Variants in CCDC171 observed in about 807,000 individuals in gnomAD.
CCDC171 encodes the protein coiled-coil domain-containing protein 171.
A neutral mutation model predicts 168.2 loss-of-function variants in CCDC171; 177 were observed. The ratio of observed to expected loss-of-function variants is 1.05; its 90% CI spans 0.93 to 1.19. The LOEUF is 1.19. CCDC171 is among the 50% of genes most tolerant of loss of function. The pLI is 0.00. For missense variants in CCDC171, 1,991 were observed against 1,539.0 expected, an observed-to-expected ratio of 1.29 and a Z score of -4.91; for synonymous variants, 687 against 540.8, an observed-to-expected ratio of 1.27 and a Z score of -3.75.
In CCDC171 at chr9:15,808,945, A is replaced by T. The variant is rs1203678566; in HGVS notation, c.3267+24251A>T. Among the ~76,000 whole-genome samples the T allele has an allele frequency of 3.9e-5, 6 of 152,248 alleles. No homozygotes were observed. The East Asian group carries it at 5.8e-4, about 15-fold the overall frequency. On this transcript the variant is annotated intron_variant, in intron 21 of 25. Transcript: ENST00000380701. Reference sequence around the variant, plus strand: ...CTGGTGAGGGCTTGCTTCCTCATAGATGGCACCTTCTTGCTGTGTCTTCAC... The same window carrying T: ...CTGGTGAGGGCTTGCTTCCTCATAGTTGGCACCTTCTTGCTGTGTCTTCAC...
At chr9:16,046,099 A>G (rs942281097) in intron 1 of CCDC171, among the ~76,000 whole-genome samples, 8 of 152,212 alleles carry the variant, frequency 5.3e-5, no homozygotes, top group African/African-American at 1.9e-4. Context: ...GGCAAAGTCC[A>G]GATTTGAATT....
chr9:16,022,636 G>C (rs181507633), intron 5 of CCDC171: 10 of 152,332 alleles, frequency 6.6e-5, no homozygotes, highest in Admixed American at 3.9e-4. Flanking sequence ...TTCCCTCTAA[G>C]TGGGCACACC....
intron 24 of CCDC171, among the ~76,000 whole-genome samples, chr9:15,904,863 G>C (rs1822293087): frequency 6.6e-6 from 1 of 151,548 alleles, no homozygotes; most frequent in African/African-American, 2.4e-5. Flanking sequence ...AAAGGCAGGG[G>C]TTGCAATCCT....
chr9:15,941,843 C>T (rs1250686572), intron 25 of CCDC171, among the ~76,000 whole-genome samples: 1 of 151,778 alleles, frequency 6.6e-6, no homozygotes, highest in Non-Finnish European at 1.5e-5. Flanking sequence ...AAAAGGGTTA[C>T]CTATCTATTG....
At chr9:15,777,901 T>A in intron 19 of CCDC171, 75 bp downstream of exon 19, 1 of 975,980 alleles carries the variant, frequency 1.0e-6, no homozygotes, top group Non-Finnish European at 1.5e-6. Flanking sequence ...ATTTGTAGTT[T>A]AAATTATTAG....
intron 21 of CCDC171, among the ~76,000 whole-genome samples, chr9:15,838,596 G>A (rs1397384231): frequency 6.6e-6 from 1 of 152,166 alleles, no homozygotes; most frequent in African/African-American, 2.4e-5. Flanking sequence ...AGAAGGATGG[G>A]AGTTGGGAGT....
intron 18 of CCDC171, among the ~76,000 whole-genome samples, chr9:15,762,073 A>T (rs1378073227): frequency 6.6e-6 from 1 of 152,012 alleles, no homozygotes; most frequent in African/African-American, 2.4e-5. Flanking sequence ...CAAAATCAAA[A>T]TAATTTTAGG....
chr9:16,091,316 A>G, the CCDC171 span, among the ~76,000 whole-genome samples: 2 of 152,214 alleles, frequency 1.3e-5, no homozygotes, highest in Non-Finnish European at 2.9e-5. Context: ...CCAATGGAAA[A>G]GAAATGAGAT....
chr9:16,076,152 C>G, the CCDC171 span, among the ~76,000 whole-genome samples: 1 of 152,136 alleles, frequency 6.6e-6, no homozygotes, highest in African/African-American at 2.4e-5. Context: ...AGTTCTTTAC[C>G]CAGCAGGGCT....
chr9:15,702,368 A>G (rs1588048710), intron 11 of CCDC171, among the ~76,000 whole-genome samples: 1 of 152,030 alleles, frequency 6.6e-6, no homozygotes, highest in African/African-American at 2.4e-5. Flanking sequence ...GTTGAAGCCA[A>G]TGCTCATTTA....
At chr9:15,829,177 G>C (rs866893096) in intron 21 of CCDC171, among the ~76,000 whole-genome samples, 11 of 152,122 alleles carry the variant, frequency 7.2e-5, no homozygotes, top group Admixed American at 3.3e-4. Flanking sequence ...TTAGTAATTT[G>C]ACCGTTTCCT....
intron 23 of CCDC171, among the ~76,000 whole-genome samples, chr9:15,869,845 A>G (rs949202039): frequency 2.6e-5 from 4 of 151,934 alleles, no homozygotes; most frequent in Admixed American, 2.6e-4. Flanking sequence ...TGTATTGGCG[A>G]TATAAACTTG....
rs78495276 is a variant in CCDC171 at position 15,837,449 on chromosome 9, C to G, written c.3268-9253C>G. 4.1e-3 allele frequency among the ~76,000 whole-genome samples: 618 copies of G among 152,122 alleles called. 2 individuals are homozygous for G. The highest frequency in any genetic ancestry group is 6.2e-3 in the Admixed American group (95 of 15,286). On this transcript the variant is annotated intron_variant, in intron 21 of 25. Coordinates refer to ENST00000380701, the MANE Select transcript of CCDC171 (RefSeq NM_173550.4). The stretch of plus-strand genomic sequence containing the variant: ...TTCATGTACATATATACACATACAC[C>G]CTTATACAGGAAAATTCCATTTGAA...
intron 3 of CCDC171, among the ~76,000 whole-genome samples, chr9:16,005,821 A>C (rs1187174934): frequency 6.6e-6 from 1 of 152,160 alleles, no homozygotes; most frequent in Non-Finnish European, 1.5e-5. Context: ...CTAATCCCCC[A>C]TGGATATCAA....
intron 6 of CCDC171, among the ~76,000 whole-genome samples, chr9:15,614,315 G>A (rs1434333996): frequency 3.3e-5 from 5 of 152,160 alleles, no homozygotes; most frequent in Non-Finnish European, 4.4e-5. Context: ...CACAGTGCTG[G>A]CTAGGCTGCT....
Position 15,831,941 on chromosome 9 carries a change from G to T in CCDC171, c.3268-14761G>T, listed in dbSNP as rs552188975. On this transcript the variant is annotated intron_variant, in intron 21 of 25. Coordinates refer to ENST00000380701, the MANE Select transcript of CCDC171 (RefSeq NM_173550.4). Reference sequence around the variant, plus strand: ...TATTAAAGTCCCTTATAGTTAGAGGGTGTTTGAGTATTTTGGTTTTGATTT... The same window carrying T: ...TATTAAAGTCCCTTATAGTTAGAGGTTGTTTGAGTATTTTGGTTTTGATTT... Among the ~76,000 whole-genome samples, 14 of 152,136 alleles carry T rather than the reference G, an allele frequency of 9.2e-5. No individual in the cohort carries two copies. The East Asian group carries it at 2.7e-3, about 29-fold the overall frequency.
Position 15,972,167 on chromosome 9 carries a change from A to T in CCDC171, c.*331A>T. 3.7e-6 allele frequency: 1 copy of T among 267,046 alleles called. No homozygotes were observed. Among genetic ancestry groups the T allele is most frequent in the Non-Finnish European group, 7.1e-6 (1 of 141,518 alleles). The allele number at this position is 267,046 out of a possible 1,614,324, so 16.5% of individuals were successfully genotyped here. A position where few individuals can be genotyped will look rare whatever the true frequency, so the allele number is the denominator to read the frequency against. The stretch of plus-strand genomic sequence containing the variant: ...TCTCTATCTATCAAAGTTGTTTCAT[A>T]CTTGTCTATTTTAAAGCAGGACTGC... On this transcript the variant is annotated 3_prime_UTR_variant, in exon 26 of 26. Transcript: ENST00000380701.
chr9:16,049,547 G>T (rs373814654), intron 1 of CCDC171, among the ~76,000 whole-genome samples: 1 of 152,250 alleles, frequency 6.6e-6, no homozygotes, highest in African/African-American at 2.4e-5. Flanking sequence ...TGCTGCCTTG[G>T]ATATCAGAAC....
chr9:15,693,518 C>T (rs1261843646), intron 10 of CCDC171, among the ~76,000 whole-genome samples: 1 of 150,812 alleles, frequency 6.6e-6, no homozygotes, highest in Non-Finnish European at 1.5e-5. Flanking sequence ...AGCTTAAATT[C>T]TATGAGATGG....
Sources: allele counts gnomAD v4.1 joint callset (sites outside exome capture counted in the v4.1 genomes callset), GRCh38; gene constraint gnomAD v4.1.1; transcripts MANE v1.5; gene names NCBI Gene and HGNC (gene_info 2026-07-23, HGNC 2026-07-21).